The following POU6F2 variants were observed in gnomAD, a reference collection of about 807,000 sequenced individuals.
The protein encoded by POU6F2 is POU domain, class 6, transcription factor 2.
A neutral mutation model predicts 71.3 loss-of-function variants in POU6F2; 31 were observed. The ratio of observed to expected loss-of-function variants is 0.43; its 90% CI spans 0.33 to 0.59. POU6F2 has a LOEUF of 0.59. Among genes scored for constraint, POU6F2 ranks in the 20% least tolerant of loss-of-function variants. The pLI is 0.04. For missense variants in POU6F2, 783 were observed against 856.8 expected, an observed-to-expected ratio of 0.91 and a Z score of 1.07; for synonymous variants, 347 against 355.7, an observed-to-expected ratio of 0.98 and a Z score of 0.27.
At chr7:39,099,722 T>A (rs1445656884) in intron 2 of POU6F2, among the ~76,000 whole-genome samples, 2 of 152,182 alleles carry the variant, frequency 1.3e-5, no homozygotes, top group Non-Finnish European at 2.9e-5. Flanking sequence ...GATGGGATGT[T>A]GAAGATTATG....
At chr7:39,269,984 T>A (rs1215447472) in intron 4 of POU6F2, among the ~76,000 whole-genome samples, 1 of 152,250 alleles carries the variant, frequency 6.6e-6, no homozygotes, top group African/African-American at 2.4e-5. Flanking sequence ...AATAGGAAGA[T>A]GTTTTATCAG....
At chr7:39,449,065 C>A (rs376202242) in intron 7 of POU6F2, among the ~76,000 whole-genome samples, 1 of 152,202 alleles carries the variant, frequency 6.6e-6, no homozygotes, top group African/African-American at 2.4e-5. Flanking sequence ...TTGTAACTGT[C>A]TTTGGTTTGT....
chr7:39,438,590 C>A (rs1219143988), intron 7 of POU6F2, among the ~76,000 whole-genome samples: 1 of 152,184 alleles, frequency 6.6e-6, no homozygotes, highest in Non-Finnish European at 1.5e-5. Context: ...GAAATAGAAA[C>A]ACTTTTGCAC....
chr7:39,135,026 G>A (rs923596190), intron 2 of POU6F2, among the ~76,000 whole-genome samples: 1 of 120,654 alleles, frequency 8.3e-6, no homozygotes, highest in African/African-American at 2.9e-5. Context: ...AAATAAAAAT[G>A]AAGACGAGTA....
chr7:39,400,005 G>C (rs1787262780), intron 5 of POU6F2, among the ~76,000 whole-genome samples: 1 of 152,234 alleles, frequency 6.6e-6, no homozygotes, highest in African/African-American at 2.4e-5. Context: ...CTCCAAATCT[G>C]TTGTATAGGG....
chr7:38,996,006 T>C (rs1336423875), intron 1 of POU6F2, among the ~76,000 whole-genome samples: 1 of 151,184 alleles, frequency 6.6e-6, no homozygotes, highest in Non-Finnish European at 1.5e-5. Context: ...CTGGTCATGC[T>C]TCTTGAAGCT....
chr7:39,006,646 T>C, intron 1 of POU6F2: 3 of 572,016 alleles, frequency 5.2e-6, no homozygotes, highest in Non-Finnish European at 6.2e-6. Context: ...AGTCAGAACC[T>C]AGTTGTTTAG....
intron 4 of POU6F2, among the ~76,000 whole-genome samples, chr7:39,265,559 C>T (rs1784223372): frequency 6.6e-6 from 1 of 152,190 alleles, no homozygotes; most frequent in African/African-American, 2.4e-5. Flanking sequence ...CGTTGAAATA[C>T]TCCACATTTT....
intron 2 of POU6F2, among the ~76,000 whole-genome samples, chr7:39,180,802 C>T (rs1049520409): frequency 2.6e-5 from 4 of 152,170 alleles, no homozygotes; most frequent in African/African-American, 4.8e-5. Context: ...TTTCCCTCTT[C>T]TCCCTACCAG....
At chr7:39,360,920 T>C (rs566411736) in intron 5 of POU6F2, among the ~76,000 whole-genome samples, 1 of 152,328 alleles carries the variant, frequency 6.6e-6, no homozygotes, top group South Asian at 2.1e-4. Context: ...TTTGGCCGGC[T>C]TCTTCACTGC....
At chr7:39,275,441 A>G (rs1784418422) in intron 4 of POU6F2, among the ~76,000 whole-genome samples, 1 of 152,236 alleles carries the variant, frequency 6.6e-6, no homozygotes, top group South Asian at 2.1e-4. Context: ...GCTCATGGGT[A>G]GGAAGAATCA....
At chr7:39,007,773 G>A (rs986848327) in intron 1 of POU6F2, among the ~76,000 whole-genome samples, 27 of 150,724 alleles carry the variant, frequency 1.8e-4, no homozygotes, top group Admixed American at 1.1e-3. Context: ...GAGAATATGC[G>A]GTGTTTGGTT....
chr7:39,297,224 CACACACACACACAT>C (rs1380082661), intron 4 of POU6F2, among the ~76,000 whole-genome samples: 1 of 151,724 alleles, frequency 6.6e-6, no homozygotes, highest in African/African-American at 2.4e-5. Context: ...CACACACACA[CACACACACACACAT>C]GAATTCACAT....
At chr7:39,441,186 A>G (rs1788394980) in intron 7 of POU6F2, among the ~76,000 whole-genome samples, 1 of 151,936 alleles carries the variant, frequency 6.6e-6, no homozygotes, top group Non-Finnish European at 1.5e-5. Context: ...GGCATGGGGA[A>G]CAGGACCTGT....
At position 39,254,724 on chromosome 7, in the gene POU6F2, G is replaced by A. The variant is rs1422576305; in HGVS notation, c.598+47104G>A. Among the ~76,000 whole-genome samples the A allele has an allele frequency of 2.6e-5, 4 of 152,032 alleles. No homozygotes were observed. In the East Asian group the frequency reaches 7.7e-4, roughly 29 times the overall value. On this transcript the variant is annotated intron_variant, in intron 4 of 9. Coordinates refer to ENST00000518318, the MANE Select transcript of POU6F2 (RefSeq NM_001370959.1). ...GCTCCTTCCCATAACTTCAGCTTTG[G>A]TGTCTGTTGCAAAAGGTCTCTCGGT...
At chr7:39,407,638 C>T (rs1386217779) in intron 6 of POU6F2, among the ~76,000 whole-genome samples, 1 of 151,900 alleles carries the variant, frequency 6.6e-6, no homozygotes, top group Non-Finnish European at 1.5e-5. Flanking sequence ...GACTTTTCCC[C>T]CCAGCCTTAT....
chr7:39,454,118 TG>T lies in POU6F2; in HGVS notation c.1489+2418del, dbSNP rs201638833. On this transcript the variant is annotated intron_variant, in intron 8 of 9. Transcript: ENST00000518318. ...CACAGAACTCAGAAATACATCTACTTGTTTACTATAAAGGATATGATAAAGA... is the reference window on the plus strand; with the variant it reads ...CACAGAACTCAGAAATACATCTACTTTTTACTATAAAGGATATGATAAAGA... Among the ~76,000 whole-genome samples, 123 of 152,270 alleles carry T rather than the reference TG, an allele frequency of 8.1e-4. 2 individuals carry two copies. The East Asian group carries it at 0.022, about 27-fold the overall frequency.
intron 2 of POU6F2, among the ~76,000 whole-genome samples, chr7:39,143,036 C>T (rs1013263757): frequency 6.6e-6 from 1 of 152,114 alleles, no homozygotes; most frequent in African/African-American, 2.4e-5. Context: ...TAGTATAAAC[C>T]CCTGCCTTCA....
intron 2 of POU6F2, among the ~76,000 whole-genome samples, chr7:39,115,474 TC>T (rs1194905830): frequency 2.0e-5 from 3 of 152,194 alleles, no homozygotes; most frequent in African/African-American, 7.2e-5. Context: ...CTGCCACTGT[TC>T]CCTGGGCCCA....
Sources: allele counts gnomAD v4.1 joint callset (sites outside exome capture counted in the v4.1 genomes callset), GRCh38; gene constraint gnomAD v4.1.1; transcripts MANE v1.5; gene names NCBI Gene and HGNC (gene_info 2026-07-23, HGNC 2026-07-21).